VPS13D: variants seen among roughly 807,000 people sequenced by gnomAD.
VPS13D encodes the protein vacuolar protein sorting 13 homolog D.
VPS13D carries 187 observed loss-of-function variants against 461.9 expected under a neutral mutation model. The observed-to-expected ratio is 0.40, with a 90% CI of 0.36 to 0.46. The LOEUF is 0.46. VPS13D is among the 20% of genes least tolerant of loss of function. The probability of loss-of-function intolerance (pLI) is 0.60; values close to 1 mark genes in which losing one functional copy is unlikely to be tolerated. For missense variants in VPS13D, 4,711 were observed against 5,364.9 expected, an observed-to-expected ratio of 0.88 and a Z score of 3.81; for synonymous variants, 1,951 against 1,986.3, an observed-to-expected ratio of 0.98 and a Z score of 0.47.
chr1:12,438,640 T>C (rs1235775773), intron 65 of VPS13D, among the ~76,000 whole-genome samples: 1 of 152,180 alleles, frequency 6.6e-6, no homozygotes, highest in Non-Finnish European at 1.5e-5. Flanking sequence ...ACATGAAACC[T>C]AAGATCTCAC....
At chr1:12,491,411 A>G (rs545449719) in intron 67 of VPS13D, among the ~76,000 whole-genome samples, 9 of 152,352 alleles carry the variant, frequency 5.9e-5, no homozygotes, top group African/African-American at 1.9e-4. Flanking sequence ...CTTAACTAAC[A>G]GACCTATGAC....
chr1:12,463,646 T>C (rs1302680850), intron 67 of VPS13D, among the ~76,000 whole-genome samples: 1 of 151,550 alleles, frequency 6.6e-6, no homozygotes, highest in East Asian at 1.9e-4. Context: ...TCCTTGCTAC[T>C]TGGGAGGCTG....
chr1:12,418,746 C>T (rs1488880352), intron 65 of VPS13D, among the ~76,000 whole-genome samples: 2 of 152,080 alleles, frequency 1.3e-5, no homozygotes, highest in Non-Finnish European at 2.9e-5. Context: ...CTTGAGCCAC[C>T]AGGAAGCCAT....
chr1:12,506,732 T>G, intron 68 of VPS13D, 121 bp from the exon 69 acceptor site: 1 of 1,330,938 alleles, frequency 7.5e-7, no homozygotes, highest in Non-Finnish European at 1.0e-6. Flanking sequence ...TAGAAGTATT[T>G]CCCGGCAAGG....
At chr1:12,484,317 G>C (rs990171962) in intron 67 of VPS13D, among the ~76,000 whole-genome samples, 4 of 152,138 alleles carry the variant, frequency 2.6e-5, no homozygotes, top group African/African-American at 9.7e-5. Context: ...TTGATACATG[G>C]GCTAGGTTTC....
chr1:12,501,838 C>T (rs149921413), intron 68 of VPS13D, among the ~76,000 whole-genome samples: 2 of 152,320 alleles, frequency 1.3e-5, no homozygotes, highest in East Asian at 3.9e-4. Context: ...GAAGGCTTCA[C>T]AGAGAAGGCG....
intron 67 of VPS13D, among the ~76,000 whole-genome samples, chr1:12,490,199 G>A (rs191796775): frequency 3.3e-4 from 51 of 152,288 alleles, no homozygotes; most frequent in African/African-American, 1.1e-3. Flanking sequence ...AAGTAGGCTC[G>A]TTTTTCTGGC....
intron 67 of VPS13D, among the ~76,000 whole-genome samples, chr1:12,477,650 C>T (rs895916734): frequency 1.3e-5 from 2 of 152,134 alleles, no homozygotes; most frequent in Admixed American, 1.3e-4. Flanking sequence ...TGGATAGATT[C>T]GGCAGGTCTA....
In VPS13D at chr1:12,268,284, T is replaced by C. The variant is rs557987269; in HGVS notation, c.1801+364T>C. ...TTTTTTTTTTTTAATAATTTAAAAA[T>C]TCTTTTTGGGGGACTTTCCAACAAA... is the stretch of plus-strand genomic sequence containing the variant. On this transcript the variant is annotated intron_variant, in intron 15 of 69. Transcript: ENST00000620676. Among the ~76,000 whole-genome samples, 9 of 148,284 alleles carry C rather than the reference T, an allele frequency of 6.1e-5. No homozygotes were observed. In the East Asian group the frequency reaches 7.8e-4, roughly 13 times the overall value.
chr1:12,256,691 T>G (rs1228856391), intron 8 of VPS13D, among the ~76,000 whole-genome samples, 188 bp downstream of exon 8: 1 of 116,678 alleles, frequency 8.6e-6, no homozygotes, highest in Non-Finnish European at 1.7e-5. Flanking sequence ...CTCAGGTTAG[T>G]TTTTTTTTTT....
At chr1:12,456,741 T>C (rs1238516758) in intron 66 of VPS13D, among the ~76,000 whole-genome samples, 1 of 152,138 alleles carries the variant, frequency 6.6e-6, no homozygotes, top group African/African-American at 2.4e-5. Context: ...CTCCTTGCAG[T>C]TGAAATACGA....
chr1:12,249,029 T>C (rs1414898778), intron 5 of VPS13D, among the ~76,000 whole-genome samples, 194 bp from the exon 6 acceptor site: 1 of 152,228 alleles, frequency 6.6e-6, no homozygotes, highest in Non-Finnish European at 1.5e-5. Flanking sequence ...TAGGAACTTA[T>C]AGGACACTGG....
chr1:12,382,029 CTTTCTCTT>C (rs1360975653), intron 57 of VPS13D, among the ~76,000 whole-genome samples: 2 of 141,886 alleles, frequency 1.4e-5, no homozygotes, highest in African/African-American at 5.5e-5. Flanking sequence ...TCCTTCCTTT[CTTTCTCTT>C]TCTTTCTTTC....
intron 41 of VPS13D, 44 bp downstream of exon 41, chr1:12,341,929 A>C: frequency 6.3e-7 from 1 of 1,596,726 alleles, no homozygotes; most frequent in Non-Finnish European, 8.6e-7. Context: ...TCTGCCACCA[A>C]AGCCTTCTTG....
intron 67 of VPS13D, among the ~76,000 whole-genome samples, chr1:12,471,785 CT>C (rs1442199690): frequency 2.0e-5 from 3 of 151,988 alleles, no homozygotes; most frequent in Admixed American, 6.5e-5. Flanking sequence ...TTTTTTTCTC[CT>C]TGGAGTTAGT....
In VPS13D at chr1:12,390,715, C is replaced by T. The variant is rs2101662835; in HGVS notation, c.11634+4381C>T. Reference sequence around the variant, plus strand: ...GAAGAATGGTGCCATATCGAGGGCTCAGTGTTGGTCTCTGCTGCTGGCAAA... The same window carrying T: ...GAAGAATGGTGCCATATCGAGGGCTTAGTGTTGGTCTCTGCTGCTGGCAAA... On this transcript the variant is annotated intron_variant, in intron 60 of 69. Coordinates refer to ENST00000620676, the MANE Select transcript of VPS13D (RefSeq NM_015378.4). Among the ~76,000 whole-genome samples, 4 of 152,302 alleles carry T rather than the reference C, an allele frequency of 2.6e-5. 1 individual carries two copies. The South Asian group carries it at 8.3e-4, about 32-fold the overall frequency.
At chr1:12,285,296 ATTTT>A (rs67174302) in intron 21 of VPS13D, among the ~76,000 whole-genome samples, 1 of 133,686 alleles carries the variant, frequency 7.5e-6, no homozygotes, top group Non-Finnish European at 1.6e-5. Context: ...TTATTTATTT[ATTTT>A]TTTTTTTTGA....
At chr1:12,251,416 A>G (rs1394710972) in intron 6 of VPS13D, among the ~76,000 whole-genome samples, 4 of 152,180 alleles carry the variant, frequency 2.6e-5, no homozygotes, top group Admixed American at 6.5e-5. Context: ...GTCAGGTTTT[A>G]CCTGGACTAA....
chr1:12,281,765 C>T (rs1641790933), intron 20 of VPS13D, among the ~76,000 whole-genome samples: 1 of 152,132 alleles, frequency 6.6e-6, no homozygotes. Flanking sequence ...TTCGATGGCA[C>T]ACATTATTTA....
Sources: allele counts gnomAD v4.1 joint callset (sites outside exome capture counted in the v4.1 genomes callset), GRCh38; gene constraint gnomAD v4.1.1; transcripts MANE v1.5; gene names NCBI Gene and HGNC (gene_info 2026-07-23, HGNC 2026-07-21).